GLIS3: variants seen among roughly 807,000 people sequenced by gnomAD.
The protein encoded by GLIS3 is GLIS family zinc finger 3.
In GLIS3, 53 loss-of-function variants were observed where a neutral mutation model predicts 78.6. The observed-to-expected ratio is 0.67, with a 90% CI of 0.54 to 0.85. The LOEUF is 0.85. GLIS3 is among the 40% of genes least tolerant of loss of function. GLIS3 has a pLI of 0.00. For synonymous variants in GLIS3, 684 were observed against 509.9 expected (o/e 1.34, Z -4.60); for missense variants, 1,703 against 1,231.1 (o/e 1.38, Z -5.74).
At chr9:4,388,538 T>C in the GLIS3 span, among the ~76,000 whole-genome samples, 1 of 151,886 alleles carries the variant, frequency 6.6e-6, no homozygotes, top group Non-Finnish European at 1.5e-5. Flanking sequence ...TAGCCAGGCG[T>C]GGTGGCGTGT....
chr9:4,248,013 C>G (rs1016806027), intron 2 of GLIS3, among the ~76,000 whole-genome samples: 1 of 152,148 alleles, frequency 6.6e-6, no homozygotes, highest in African/African-American at 2.4e-5. Context: ...ACTCTGTACC[C>G]TTGGACCAGT....
intron 1 of GLIS3, among the ~76,000 whole-genome samples, chr9:4,288,950 A>T (rs1405916204): frequency 1.3e-5 from 2 of 152,204 alleles, no homozygotes; most frequent in African/African-American, 4.8e-5. Flanking sequence ...TTTCTCAAAC[A>T]TTAGATATTA....
the GLIS3 span, among the ~76,000 whole-genome samples, chr9:4,485,399 C>A: frequency 6.6e-6 from 1 of 152,122 alleles, no homozygotes; most frequent in Non-Finnish European, 1.5e-5. Context: ...TCAACCAGTC[C>A]TGTAGCCCCA....
At chr9:4,326,886 C>G (rs1240397327) in intron 2 of GLIS3, among the ~76,000 whole-genome samples, 1 of 152,094 alleles carries the variant, frequency 6.6e-6, no homozygotes, top group Non-Finnish European at 1.5e-5. Context: ...GGGTGCATGT[C>G]CTCTCATGCC....
chr9:4,281,185 T>C (rs1827513632), intron 2 of GLIS3, among the ~76,000 whole-genome samples: 1 of 152,226 alleles, frequency 6.6e-6, no homozygotes, highest in African/African-American at 2.4e-5. Context: ...TTGTGCACTC[T>C]AGTGTTTCTC....
At chr9:3,962,672 TGAG>T (rs1320736321) in intron 4 of GLIS3, among the ~76,000 whole-genome samples, 8 of 152,138 alleles carry the variant, frequency 5.3e-5, no homozygotes, top group Admixed American at 5.2e-4. Flanking sequence ...CAGGATGGGT[TGAG>T]GAGAGTAAAT....
chr9:4,189,383 T>C (rs1479006220), intron 2 of GLIS3, among the ~76,000 whole-genome samples: 1 of 152,206 alleles, frequency 6.6e-6, no homozygotes, highest in African/African-American at 2.4e-5. Flanking sequence ...TTCTGTTCTT[T>C]TATATGTGCT....
intron 2 of GLIS3, among the ~76,000 whole-genome samples, chr9:4,235,952 C>T (rs1161173917): frequency 6.6e-6 from 1 of 151,970 alleles, no homozygotes; most frequent in African/African-American, 2.4e-5. Context: ...CTCTAATGAA[C>T]AAAATAACTA....
intron 2 of GLIS3, among the ~76,000 whole-genome samples, chr9:4,205,434 G>T (rs988729919): frequency 6.6e-6 from 1 of 152,178 alleles, no homozygotes; most frequent in African/African-American, 2.4e-5. Context: ...AGAGACAATG[G>T]GATACAAGGA....
chr9:4,033,042 A>G (rs1184201066), intron 4 of GLIS3, among the ~76,000 whole-genome samples: 2 of 151,666 alleles, frequency 1.3e-5, no homozygotes, highest in Non-Finnish European at 2.9e-5. Flanking sequence ...TTTAGTAGAG[A>G]CGGGGTTTCA....
At chr9:4,241,394 C>T (rs1474259058) in intron 2 of GLIS3, among the ~76,000 whole-genome samples, 1 of 152,130 alleles carries the variant, frequency 6.6e-6, no homozygotes, top group African/African-American at 2.4e-5. Flanking sequence ...GTGTTTGATA[C>T]ATCACTAAGT....
chr9:4,337,177 G>T (rs1817767536), intron 2 of GLIS3, among the ~76,000 whole-genome samples: 1 of 152,164 alleles, frequency 6.6e-6, no homozygotes, highest in Non-Finnish European at 1.5e-5. Context: ...CATTAAAAGT[G>T]CAAATCATTT....
intron 6 of GLIS3, among the ~76,000 whole-genome samples, chr9:3,903,302 A>G (rs1237869401): frequency 6.6e-6 from 1 of 152,268 alleles, no homozygotes; most frequent in Non-Finnish European, 1.5e-5. Flanking sequence ...GGGATAAAAA[A>G]GGTTAAAAAA....
chr9:4,221,182 G>A (rs568504123), intron 2 of GLIS3, among the ~76,000 whole-genome samples: 1 of 152,220 alleles, frequency 6.6e-6, no homozygotes, highest in South Asian at 2.1e-4. Flanking sequence ...TACATGCATA[G>A]GTAAAAACTC....
At chr9:4,060,254 C>T (rs1044015049) in intron 4 of GLIS3, among the ~76,000 whole-genome samples, 1 of 152,162 alleles carries the variant, frequency 6.6e-6, no homozygotes, top group African/African-American at 2.4e-5. Flanking sequence ...TGGACTAAAC[C>T]TCCCATTTCT....
At chr9:4,163,266 ACACG>A (rs750323475) in intron 2 of GLIS3, among the ~76,000 whole-genome samples, 3 of 148,250 alleles carry the variant, frequency 2.0e-5, no homozygotes, top group East Asian at 3.9e-4. Context: ...ACACACACAC[ACACG>A]CGCACGCGCG....
At chr9:3,953,795 C>CTCTCTATATATATA (rs1403671770) in intron 4 of GLIS3, among the ~76,000 whole-genome samples, 21 of 73,318 alleles carry the variant, frequency 2.9e-4, no homozygotes, top group African/African-American at 9.7e-4. Flanking sequence ...CTCTCTCTCT[C>CTCTCTATATATATA]TATATATATA....
intron 3 of GLIS3, among the ~76,000 whole-genome samples, chr9:4,119,612 A>G (rs1263203270): frequency 6.6e-6 from 1 of 152,210 alleles, no homozygotes; most frequent in African/African-American, 2.4e-5. Flanking sequence ...GCCATTCGGG[A>G]TTTAATCACA....
intron 8 of GLIS3, among the ~76,000 whole-genome samples, chr9:3,866,940 A>G (rs927498234): frequency 2.0e-5 from 3 of 152,132 alleles, no homozygotes; most frequent in Non-Finnish European, 4.4e-5. Flanking sequence ...TTTGCTTAAG[A>G]TGGGAGGGGA....
Sources: gnomAD v4.1 joint callset for allele counts (sites outside exome capture counted in the v4.1 genomes callset) on GRCh38, gnomAD v4.1.1 for gene constraint, MANE v1.5 for transcripts, NCBI Gene and HGNC (gene_info 2026-07-23, HGNC 2026-07-21) for gene names.